The following DOCK1 variants were observed in gnomAD, a reference collection of about 807,000 sequenced individuals.
DOCK1 encodes the protein dedicator of cytokinesis 1.
In DOCK1, 138 loss-of-function variants were observed where a neutral mutation model predicts 262.7. That is an observed-to-expected ratio of 0.53 (90% CI 0.46 to 0.61). The LOEUF (loss-of-function observed/expected upper bound fraction) is 0.61, where lower values mean the gene tolerates loss of function less well. DOCK1 is among the 20% of genes least tolerant of loss of function. The pLI, the probability that DOCK1 is intolerant of heterozygous loss-of-function variation, is 0.00. For missense variants in DOCK1, 1,908 were observed against 2,370.7 expected (o/e 0.80, Z 4.05); for synonymous variants, 866 against 867.4 (o/e 1.00, Z 0.03).
In DOCK1 at chr10:127,000,189, C is replaced by A; in HGVS notation, c.867C>A (p.Asp289Glu). 6.2e-7 allele frequency: 1 copy of A among 1,613,894 alleles called. No individual in the cohort carries two copies. Among genetic ancestry groups the A allele is most frequent in the Non-Finnish European group, 8.5e-7 (1 of 1,179,846 alleles). ...ATTTCTAGGACCTCGGAAGCAAAGA[C>A]CTGAAAAGGGAGAAAATCAGTTTTG... Reference protein sequence around the residue: ...RAVFTDLGSKDLKREKISFVC... With the variant: ...RAVFTDLGSKELKREKISFVC... The change falls in exon 10 of 52, where the codon GAC becomes GAA. Residue 289 changes from aspartate (D) to glutamate (E), a missense_variant. Asp to Glu is a conservative substitution (Grantham distance 45). Around this residue, in one of 9 missense-constraint regions of DOCK1, gnomAD observed 102 missense variants for 154.9 expected, o/e 0.66. Coordinates refer to ENST00000623213, the MANE Select transcript of DOCK1 (RefSeq NM_001290223.2).
chr10:127,281,842 C>T (rs147490983), intron 29 of DOCK1, among the ~76,000 whole-genome samples: 2 of 152,226 alleles, frequency 1.3e-5, no homozygotes, highest in African/African-American at 4.8e-5. Flanking sequence ...AGCTCCCTGG[C>T]ACCACCCATG....
chr10:127,011,713 TTGAG>T (rs55913065), intron 11 of DOCK1, among the ~76,000 whole-genome samples: 14,484 of 152,088 alleles, frequency 0.095, 784 homozygotes, highest in East Asian at 0.21. Flanking sequence ...ATGTAGTCAC[TTGAG>T]GGACTATTGT....
At chr10:127,296,533 G>A (rs2135402763) in intron 29 of DOCK1, among the ~76,000 whole-genome samples, 1 of 152,332 alleles carries the variant, frequency 6.6e-6, no homozygotes, top group South Asian at 2.1e-4. Context: ...TGACGGTCAG[G>A]AACCTTGCAA....
intron 1 of DOCK1, among the ~76,000 whole-genome samples, chr10:126,961,968 AC>A (rs2037257804): frequency 1.3e-5 from 2 of 152,046 alleles, no homozygotes; most frequent in Admixed American, 6.6e-5. Flanking sequence ...TCGTGTCCTT[AC>A]CAAGGTTGTT....
chr10:127,282,770 G>C (rs958587968), intron 29 of DOCK1, among the ~76,000 whole-genome samples: 1 of 152,198 alleles, frequency 6.6e-6, no homozygotes, highest in Non-Finnish European at 1.5e-5. Flanking sequence ...ATCTTCGTGA[G>C]ACCTGAGAGC....
In DOCK1 at chr10:127,110,338, CCT is replaced by C; in HGVS notation, c.2610_2611del (p.Phe871HisfsTer4). The C allele has an allele frequency of 6.2e-7, 1 of 1,612,884 alleles. No individual in the cohort carries two copies. The highest frequency in any genetic ancestry group is 8.5e-7 in the Non-Finnish European group (1 of 1,179,440). On this transcript the variant is annotated frameshift_variant, in exon 25 of 52. Transcript: ENST00000623213. LOFTEE classifies it high-confidence loss of function. ...YCLIEIVHSDLFTQHDCREIL... is the reference protein window; with the variant it reads ...YCLIEIVHSDXFTQHDCREIL... ...GCTTGATCGAAATCGTCCACAGTGACCTCTTCACACAGCATGGTGAGTGGAAC... is the reference window on the plus strand; with the variant it reads ...GCTTGATCGAAATCGTCCACAGTGACCTTCACACAGCATGGTGAGTGGAAC...
At chr10:127,231,865 A>G (rs920186603) in intron 27 of DOCK1, among the ~76,000 whole-genome samples, 6 of 152,086 alleles carry the variant, frequency 3.9e-5, no homozygotes, top group Non-Finnish European at 1.5e-5. Context: ...AATAAACTCC[A>G]TTTTTTCAGA....
At chr10:127,155,363 T>C (rs1247624163) in intron 27 of DOCK1, among the ~76,000 whole-genome samples, 1 of 152,334 alleles carries the variant, frequency 6.6e-6, no homozygotes, top group Non-Finnish European at 1.5e-5. Flanking sequence ...AGTTTGTTGA[T>C]CAAGTGACCA....
At chr10:127,429,472 A>C (rs1471889909) in intron 47 of DOCK1, among the ~76,000 whole-genome samples, 2 of 152,130 alleles carry the variant, frequency 1.3e-5, no homozygotes, top group African/African-American at 4.8e-5. Context: ...TTTGAAAAGC[A>C]ATCTAGTATC....
At chr10:127,246,886 G>C (rs1411210518) in intron 27 of DOCK1, among the ~76,000 whole-genome samples, 3 of 152,162 alleles carry the variant, frequency 2.0e-5, no homozygotes, top group African/African-American at 7.2e-5. Context: ...AGAAAAAATA[G>C]GGACATGTCT....
At chr10:127,412,503 C>T (rs754055116) in intron 43 of DOCK1, among the ~76,000 whole-genome samples, 31 of 152,156 alleles carry the variant, frequency 2.0e-4, no homozygotes, top group Non-Finnish European at 2.9e-4. Flanking sequence ...TCCTGTATTG[C>T]AAGGAGGCAT....
intron 27 of DOCK1, among the ~76,000 whole-genome samples, chr10:127,226,155 C>G (rs2058630391): frequency 6.6e-6 from 1 of 151,420 alleles, no homozygotes; most frequent in South Asian, 2.1e-4. Flanking sequence ...TTGGAGTTTC[C>G]TAATCATCAG....
At chr10:127,386,925 G>A (rs2066157820) in intron 38 of DOCK1, among the ~76,000 whole-genome samples, 1 of 152,208 alleles carries the variant, frequency 6.6e-6, no homozygotes, top group Non-Finnish European at 1.5e-5. Flanking sequence ...TACTAGGTTA[G>A]CCAGGAGAAT....
intron 2 of DOCK1, among the ~76,000 whole-genome samples, chr10:126,973,748 C>G (rs1011946652): frequency 2.6e-5 from 4 of 152,102 alleles, no homozygotes; most frequent in Non-Finnish European, 5.9e-5. Context: ...TAATGTACTT[C>G]CATTTGTTTT....
At chr10:126,959,187 G>T (rs1229183355) in intron 1 of DOCK1, among the ~76,000 whole-genome samples, 2 of 152,166 alleles carry the variant, frequency 1.3e-5, no homozygotes, top group African/African-American at 4.8e-5. Context: ...TACAGTGGGT[G>T]CCCTTAGAGA....
intron 25 of DOCK1, 144 bp from the exon 26 acceptor site, chr10:127,125,330 A>G: frequency 9.3e-7 from 1 of 1,072,786 alleles, no homozygotes; most frequent in Non-Finnish European, 1.3e-6. Context: ...CTCACAGTCA[A>G]GTAATTGACC....
At chr10:127,363,175 A>C (rs1266539989) in intron 33 of DOCK1, among the ~76,000 whole-genome samples, 1 of 152,172 alleles carries the variant, frequency 6.6e-6, no homozygotes, top group Non-Finnish European at 1.5e-5. Context: ...GAGAAGCCCA[A>C]GTACTAGGGA....
chr10:127,186,521 CCCCGA>C, intron 27 of DOCK1, among the ~76,000 whole-genome samples: 1 of 84,798 alleles, frequency 1.2e-5, no homozygotes, highest in East Asian at 3.3e-4. Context: ...CCCCGCCCCC[CCCCGA>C]TCCAGTTACC....
At chr10:127,033,731 G>A (rs1222806890) in intron 18 of DOCK1, among the ~76,000 whole-genome samples, 1 of 152,178 alleles carries the variant, frequency 6.6e-6, no homozygotes, top group Non-Finnish European at 1.5e-5. Context: ...CAAAAGTAAA[G>A]CCATTGTCTG....
Sources: gnomAD v4.1 joint callset for allele counts (sites outside exome capture counted in the v4.1 genomes callset) on GRCh38, gnomAD v4.1.1 for gene constraint, gnomAD v4.1.1 regional missense constraint, MANE v1.5 for transcripts, NCBI Gene and HGNC (gene_info 2026-07-23, HGNC 2026-07-21) for gene names.